OOEP: variants seen among roughly 807,000 people sequenced by gnomAD.
OOEP encodes the protein oocyte expressed protein, also known as oocyte-expressed protein homolog.
Under a neutral mutation model 13.7 loss-of-function variants are expected in OOEP, and 16 were observed. That is an observed-to-expected ratio of 1.16 (90% CI 0.79 to 1.77). The LOEUF is 1.77. Among genes scored for constraint, OOEP ranks in the 40% most tolerant of loss-of-function variants. The probability of loss-of-function intolerance (pLI) is 0.00; values close to 1 mark genes in which losing one functional copy is unlikely to be tolerated. For synonymous variants in OOEP, 89 were observed against 77.1 expected (o/e 1.15, Z -0.81); for missense variants, 195 against 193.1 (o/e 1.01, Z -0.06).
intron 2 of OOEP, among the ~76,000 whole-genome samples, chr6:73,385,147 C>G (rs534323277): frequency 6.6e-6 from 1 of 151,684 alleles, no homozygotes; most frequent in African/African-American, 2.4e-5. Context: ...GAGATTGAGA[C>G]CATCCTGGCT....
rs557654009 is a variant in OOEP at position 73,386,687 on chromosome 6, C to T, written c.25+7659G>A. 1.1e-4 allele frequency among the ~76,000 whole-genome samples: 16 copies of T among 152,040 alleles called. 1 individual carries two copies. The highest frequency in any genetic ancestry group is 6.8e-3 in the Middle Eastern group (2 of 294). On this transcript the variant is annotated intron_variant, in intron 2 of 3. Transcript: ENST00000370363. Reference sequence around the variant, plus strand: ...AATTAACTTGAAAAAGAACTGCAGCCGGGCGCGGTGGCTCATGCCTGTAAT... The same window carrying T: ...AATTAACTTGAAAAAGAACTGCAGCTGGGCGCGGTGGCTCATGCCTGTAAT...
chr6:73,376,618 GCCCACCACCA>G (rs1769143473), intron 2 of OOEP, among the ~76,000 whole-genome samples: 4 of 151,724 alleles, frequency 2.6e-5, no homozygotes, highest in African/African-American at 9.7e-5. Flanking sequence ...GATTACAGGC[GCCCACCACCA>G]AGCCTGGCTG....
chr6:73,386,654 T>G (rs148397045), intron 2 of OOEP, among the ~76,000 whole-genome samples: 1 of 151,810 alleles, frequency 6.6e-6, no homozygotes, highest in Admixed American at 6.6e-5. Context: ...CCTCACGACA[T>G]ACACAAAAAT....
At chr6:73,369,494 G>T in intron 1 of OOEP, 109 bp from the exon 2 acceptor site, 1 of 1,490,302 alleles carries the variant, frequency 6.7e-7, no homozygotes, top group Non-Finnish European at 9.2e-7. Flanking sequence ...GGGCATCACT[G>T]CAACACTCCT....
exon 1 of OOEP, chr6:73,395,087 T>C (rs1295482887): frequency 6.2e-7 from 1 of 1,614,032 alleles, no homozygotes; most frequent in Admixed American, 1.7e-5. Flanking sequence ...CCGGAGGCCG[T>C]GGCCGCTGGT....
At chr6:73,372,459 C>T (rs1769071319), upstream of OOEP, among the ~76,000 whole-genome samples, 1 of 152,176 alleles carries the variant, frequency 6.6e-6, no homozygotes, top group South Asian at 2.1e-4. Context: ...TGTGGGATTA[C>T]TGCTCTCCCC....
intron 2 of OOEP, among the ~76,000 whole-genome samples, chr6:73,377,538 A>G (rs575817173): frequency 6.6e-6 from 1 of 152,338 alleles, no homozygotes; most frequent in East Asian, 1.9e-4. Flanking sequence ...TTTCTCTGAT[A>G]TCACCCAAGA....
At position 73,368,648 on chromosome 6, in the gene OOEP, G is replaced by C; in HGVS notation, c.*136C>G. 1 of 637,600 alleles carries C rather than the reference G, an allele frequency of 1.6e-6. No individual in the cohort carries two copies. The highest frequency in any genetic ancestry group is 2.0e-5 in the South Asian group (1 of 51,028). 39.5% of individuals were successfully genotyped at this position (637,600 alleles called of 1,614,324 possible). A position where few individuals can be genotyped will look rare whatever the true frequency, so the allele number is the denominator to read the frequency against. On this transcript the variant is annotated 3_prime_UTR_variant, in exon 3 of 3. Transcript: ENST00000370359. ...ATTAGAATAGTTCAAACTCACTCTT[G>C]CAACAAAATAAACCACAATCCATCA...
At chr6:73,390,591 T>C (rs1420276233) in intron 2 of OOEP, among the ~76,000 whole-genome samples, 1 of 151,270 alleles carries the variant, frequency 6.6e-6, no homozygotes, top group Non-Finnish European at 1.5e-5. Flanking sequence ...CTTTTTTTTT[T>C]TTTTTTTGAG....
intron 2 of OOEP, among the ~76,000 whole-genome samples, chr6:73,385,990 T>A (rs1419757287): frequency 1.3e-5 from 2 of 152,148 alleles, no homozygotes; most frequent in African/African-American, 4.8e-5. Flanking sequence ...CAAAGATACC[T>A]ACTTTCACTT....
upstream of OOEP, among the ~76,000 whole-genome samples, chr6:73,370,595 A>G (rs892522407): frequency 6.6e-6 from 1 of 152,198 alleles, no homozygotes; most frequent in Non-Finnish European, 1.5e-5. Flanking sequence ...TTTTTAAAAC[A>G]GATATTACTC....
At chr6:73,380,041 T>G (rs73448584) in intron 2 of OOEP, among the ~76,000 whole-genome samples, 320 of 152,326 alleles carry the variant, frequency 2.1e-3, no homozygotes, top group African/African-American at 7.2e-3. Flanking sequence ...AATGGCTTTT[T>G]TATTCGTGCA....
intron 2 of OOEP, among the ~76,000 whole-genome samples, chr6:73,389,551 C>CTTA: frequency 6.6e-6 from 1 of 152,168 alleles, no homozygotes; most frequent in East Asian, 1.9e-4. Context: ...AAGGCTTAGG[C>CTTA]TTAGGCTGTC....
chr6:73,394,919 G>A, exon 1 of OOEP: 1 of 1,614,228 alleles, frequency 6.2e-7, no homozygotes, highest in Non-Finnish European at 8.5e-7. Flanking sequence ...TCCCACCACG[G>A]AGGAGCTCCC....
At chr6:73,383,721 A>G (rs1393308776) in intron 2 of OOEP, among the ~76,000 whole-genome samples, 2 of 152,194 alleles carry the variant, frequency 1.3e-5, no homozygotes, top group African/African-American at 4.8e-5. Flanking sequence ...AGAAAAATCA[A>G]AACTGGGTTC....
chr6:73,388,956 C>T (rs1024904441), intron 2 of OOEP, among the ~76,000 whole-genome samples: 3 of 152,142 alleles, frequency 2.0e-5, no homozygotes, highest in African/African-American at 4.8e-5. Flanking sequence ...GGGACCGTTC[C>T]TTCTCCTAGC....
At position 73,369,307 on chromosome 6, in the gene OOEP, TTCCCTGAG is replaced by T; in HGVS notation, c.261_268del (p.Asp87GlufsTer36). The T allele has an allele frequency of 6.2e-7, 1 of 1,613,808 alleles. No homozygotes were observed. Among genetic ancestry groups the T allele is most frequent in the Non-Finnish European group, 8.5e-7 (1 of 1,179,844 alleles). The stretch of plus-strand genomic sequence containing the variant: ...CCCGAAAACGGTGATTTCGACTAGG[TTCCCTGAG>T]TCCACTATGTCCACTGTCAGCAGGG... On this transcript the variant is annotated frameshift_variant, in exon 2 of 3. Transcript: ENST00000370359. LOFTEE classifies it high-confidence loss of function.
intron 1 of OOEP, chr6:73,394,670 CA>C (rs1455090331): frequency 1.6e-6 from 1 of 610,588 alleles, no homozygotes; most frequent in East Asian, 2.9e-5. Context: ...TCCCACGGTT[CA>C]GAAAACCGAT....
rs1482915651 is a variant in OOEP, at chr6:73,391,895, C to T, written c.25+2451G>A. Reference sequence around the variant, plus strand: ...TTAGTTCACGAACACAGGTCAGTGACAAGCACCTGAGGTTTCTTCAAAGCA... The same window carrying T: ...TTAGTTCACGAACACAGGTCAGTGATAAGCACCTGAGGTTTCTTCAAAGCA... On this transcript the variant is annotated intron_variant, in intron 2 of 3. Coordinates refer to the OOEP transcript ENST00000370363. The T allele has an allele frequency of 2.0e-5, 3 of 152,362 alleles. No individual in the cohort carries two copies. In the East Asian group the frequency reaches 5.8e-4, roughly 29 times the overall value. The allele number at this position is 152,362 out of a possible 1,614,324, so 9.4% of individuals were successfully genotyped here. A position where few individuals can be genotyped will look rare whatever the true frequency, so the allele number is the denominator to read the frequency against.
Sources: allele counts gnomAD v4.1 joint callset (sites outside exome capture counted in the v4.1 genomes callset), GRCh38; gene constraint gnomAD v4.1.1; transcripts MANE v1.5; gene names NCBI Gene and HGNC (gene_info 2026-07-23, HGNC 2026-07-21).